RMST: variants seen among roughly 807,000 people sequenced by gnomAD.
The protein encoded by RMST is long intergenic non-protein coding RNA 54.
chr12:97,509,977 C>T (rs538300826), intron 10 of RMST, among the ~76,000 whole-genome samples: 1 of 152,242 alleles, frequency 6.6e-6, no homozygotes, highest in East Asian at 1.9e-4. Context: ...TGCCTTATTT[C>T]CTCAAATCTC....
intron 5 of RMST, among the ~76,000 whole-genome samples, chr12:97,480,668 C>T (rs1875169631): frequency 6.6e-6 from 1 of 152,236 alleles, no homozygotes; most frequent in Non-Finnish European, 1.5e-5. Flanking sequence ...CTTCCTCCCT[C>T]TTTCTAGTCT....
At chr12:97,504,793 A>T (rs1878490789) in intron 10 of RMST, among the ~76,000 whole-genome samples, 1 of 152,166 alleles carries the variant, frequency 6.6e-6, no homozygotes, top group South Asian at 2.1e-4. Flanking sequence ...TTCAGACTTC[A>T]ATTTGTTTTA....
At chr12:97,501,335 C>T (rs1878050398) in intron 10 of RMST, among the ~76,000 whole-genome samples, 1 of 152,114 alleles carries the variant, frequency 6.6e-6, no homozygotes, top group Admixed American at 6.5e-5. Flanking sequence ...ACAATATACC[C>T]ACAGGAATTA....
intron 10 of RMST, among the ~76,000 whole-genome samples, chr12:97,499,260 C>T (rs1877798193): frequency 6.6e-6 from 1 of 151,800 alleles, no homozygotes; most frequent in African/African-American, 2.4e-5. Flanking sequence ...TTTTTCTACC[C>T]ACATCCTATC....
intron 10 of RMST, among the ~76,000 whole-genome samples, chr12:97,527,030 A>C (rs1254526266): frequency 6.6e-6 from 1 of 152,342 alleles, no homozygotes; most frequent in East Asian, 1.9e-4. Flanking sequence ...GCCTGGAAGC[A>C]GGATGTCTGA....
At chr12:97,522,913 A>G (rs1880666357) in intron 10 of RMST, among the ~76,000 whole-genome samples, 1 of 152,148 alleles carries the variant, frequency 6.6e-6, no homozygotes, top group South Asian at 2.1e-4. Context: ...ATTTTACCAT[A>G]TCCAAATTTG....
chr12:97,480,328 G>A (rs111999076), intron 5 of RMST, among the ~76,000 whole-genome samples: 12 of 151,932 alleles, frequency 7.9e-5, no homozygotes, highest in African/African-American at 2.9e-4. Context: ...CTGACCTCGT[G>A]ATCTGCCCGC....
At chr12:97,466,868 A>G (rs767973723) in intron 5 of RMST, among the ~76,000 whole-genome samples, 7 of 152,086 alleles carry the variant, frequency 4.6e-5, no homozygotes, top group African/African-American at 9.6e-5. Flanking sequence ...AAGCAATTGC[A>G]TTGAACTCTT....
At chr12:97,543,224 C>A (rs186351899) in intron 11 of RMST, among the ~76,000 whole-genome samples, 1 of 151,994 alleles carries the variant, frequency 6.6e-6, no homozygotes, top group Non-Finnish European at 1.5e-5. Flanking sequence ...AATGTCAGCA[C>A]GAGCATTCCT....
chr12:97,508,545 G>C (rs996801302), intron 10 of RMST, among the ~76,000 whole-genome samples: 4 of 152,164 alleles, frequency 2.6e-5, no homozygotes, highest in African/African-American at 9.7e-5. Context: ...TTGAAGACTA[G>C]GACAGGAAGC....
chr12:97,507,197 T>C (rs898681617), intron 10 of RMST, among the ~76,000 whole-genome samples: 1 of 151,644 alleles, frequency 6.6e-6, no homozygotes, highest in Non-Finnish European at 1.5e-5. Context: ...CTGACCAAGG[T>C]ATATGATTAC....
At chr12:97,498,191 A>AG (rs1555231017) in intron 10 of RMST, among the ~76,000 whole-genome samples, 10 of 152,046 alleles carry the variant, frequency 6.6e-5, no homozygotes, top group African/African-American at 2.4e-4. Context: ...TTATTTTACT[A>AG]TTTTTTAAAG....
chr12:97,486,460 G>T (rs1174102546), intron 5 of RMST, among the ~76,000 whole-genome samples: 2 of 152,144 alleles, frequency 1.3e-5, no homozygotes, highest in Non-Finnish European at 2.9e-5. Flanking sequence ...AGAAACAAAC[G>T]ATGTCTGAAA....
chr12:97,489,457 GAA>G (rs377120208), intron 5 of RMST, among the ~76,000 whole-genome samples: 5 of 137,910 alleles, frequency 3.6e-5, no homozygotes, highest in East Asian at 2.1e-4. Flanking sequence ...AAGAAAAAAA[GAA>G]AAAAAAAAAA....
chr12:97,504,693 T>TTTTTTC (rs1487257369), intron 10 of RMST, among the ~76,000 whole-genome samples: 2 of 152,070 alleles, frequency 1.3e-5, no homozygotes, highest in Non-Finnish European at 2.9e-5. Context: ...AAAGGAGTCC[T>TTTTTTC]TAGAAAAATT....
chr12:97,465,941 T>C (rs1215673649), intron 5 of RMST, among the ~76,000 whole-genome samples: 2 of 152,202 alleles, frequency 1.3e-5, no homozygotes, highest in African/African-American at 2.4e-5. Context: ...AGGTGCTCCC[T>C]CTGTTTCCCT....
chr12:97,525,888 C>T (rs1349309684), intron 10 of RMST, among the ~76,000 whole-genome samples: 1 of 152,130 alleles, frequency 6.6e-6, no homozygotes, highest in Non-Finnish European at 1.5e-5. Flanking sequence ...TGAGCTTCGC[C>T]TCCTGTCAGA....
At chr12:97,512,398 C>T (rs550301507) in intron 10 of RMST, among the ~76,000 whole-genome samples, 89 of 152,274 alleles carry the variant, frequency 5.8e-4, no homozygotes, top group African/African-American at 1.9e-3. Flanking sequence ...CTGCTGGCTC[C>T]GGCAGCCTGC....
intron 11 of RMST, among the ~76,000 whole-genome samples, chr12:97,537,453 CTCAT>C (rs1211363693): frequency 1.3e-5 from 2 of 151,362 alleles, no homozygotes; most frequent in African/African-American, 4.8e-5. Context: ...TTTCTCTTGT[CTCAT>C]TCTTTATCTT....
Sources: allele counts gnomAD v4.1 joint callset (sites outside exome capture counted in the v4.1 genomes callset), GRCh38; gene constraint gnomAD v4.1.1; transcripts MANE v1.5; gene names NCBI Gene and HGNC (gene_info 2026-07-23, HGNC 2026-07-21).